The following KCNH7 variants were observed in gnomAD, a reference collection of about 807,000 sequenced individuals.
The protein encoded by KCNH7 is potassium voltage-gated channel subfamily H member 7, also known as voltage-gated inwardly rectifying potassium channel KCNH7.
KCNH7 carries 49 observed loss-of-function variants against 120.8 expected under a neutral mutation model. That is an observed-to-expected ratio of 0.41 (90% CI 0.32 to 0.51). The LOEUF (loss-of-function observed/expected upper bound fraction) is 0.51, where lower values mean the gene tolerates loss of function less well. Among genes scored for constraint, KCNH7 ranks in the 20% least tolerant of loss-of-function variants. KCNH7 has a pLI of 0.38. For synonymous variants in KCNH7, 547 were observed against 516.1 expected, an observed-to-expected ratio of 1.06 and a Z score of -0.81; for missense variants, 1,097 against 1,446.6, an observed-to-expected ratio of 0.76 and a Z score of 3.92.
chr2:162,652,104 A>G (rs889437456), intron 2 of KCNH7, among the ~76,000 whole-genome samples: 1 of 152,202 alleles, frequency 6.6e-6, no homozygotes, highest in Non-Finnish European at 1.5e-5. Flanking sequence ...GTTTCCCACA[A>G]ACTTCATAGT....
intron 2 of KCNH7, among the ~76,000 whole-genome samples, chr2:162,735,546 A>G (rs1687875228): frequency 1.3e-5 from 2 of 152,140 alleles, no homozygotes; most frequent in African/African-American, 4.8e-5. Context: ...GGTATTTTGC[A>G]GATTTAGTAT....
At chr2:162,613,952 A>G (rs992915122) in intron 2 of KCNH7, among the ~76,000 whole-genome samples, 2 of 142,016 alleles carry the variant, frequency 1.4e-5, no homozygotes, top group Non-Finnish European at 3.2e-5. Flanking sequence ...CCAAAGAGAA[A>G]GTTTTTTTTT....
chr2:162,702,114 A>AT (rs2105344960), intron 2 of KCNH7, among the ~76,000 whole-genome samples: 1 of 152,238 alleles, frequency 6.6e-6, no homozygotes, highest in Admixed American at 6.5e-5. Flanking sequence ...GGAGAAAAAA[A>AT]TTTTTTCAAA....
intron 7 of KCNH7, among the ~76,000 whole-genome samples, chr2:162,443,176 A>G (rs1331636529): frequency 2.9e-4 from 44 of 152,314 alleles, no homozygotes; most frequent in Non-Finnish European, 2.9e-5. Flanking sequence ...GTTCTTGTCT[A>G]GAAGCTGATC....
intron 6 of KCNH7, among the ~76,000 whole-genome samples, chr2:162,494,074 A>T (rs960058389): frequency 5.3e-5 from 8 of 152,200 alleles, no homozygotes; most frequent in African/African-American, 1.9e-4. Context: ...CAAGAATCTC[A>T]CTGCAAGGTC....
intron 2 of KCNH7, among the ~76,000 whole-genome samples, chr2:162,669,611 C>T (rs13403392): frequency 0.014 from 2,122 of 152,206 alleles, 43 homozygotes; most frequent in African/African-American, 0.048. Context: ...ATATTTGCAC[C>T]GCTCATTCAG....
chr2:162,376,404 C>T (rs1175303897), intron 14 of KCNH7, among the ~76,000 whole-genome samples: 8 of 148,358 alleles, frequency 5.4e-5, no homozygotes, highest in East Asian at 2.0e-4. Context: ...CTTGCTCTGT[C>T]GCCCAGGCTG....
At chr2:162,558,761 A>G (rs1692949601) in intron 2 of KCNH7, among the ~76,000 whole-genome samples, 1 of 151,760 alleles carries the variant, frequency 6.6e-6, no homozygotes, top group African/African-American at 2.4e-5. Context: ...CTTCTTTGGC[A>G]TTATTACTAT....
chr2:162,803,138 C>T (rs916213558), intron 2 of KCNH7, among the ~76,000 whole-genome samples: 4 of 151,696 alleles, frequency 2.6e-5, no homozygotes, highest in Admixed American at 1.3e-4. Flanking sequence ...CCAGTGAGAT[C>T]GCCAATTTAT....
intron 4 of KCNH7, among the ~76,000 whole-genome samples, chr2:162,514,553 C>G (rs1691217090): frequency 6.6e-6 from 1 of 151,732 alleles, no homozygotes; most frequent in Admixed American, 6.6e-5. Flanking sequence ...TCTTCCATGA[C>G]AATGCAAGTA....
chr2:162,589,816 T>C (rs1694147158), intron 2 of KCNH7, among the ~76,000 whole-genome samples: 1 of 152,126 alleles, frequency 6.6e-6, no homozygotes, highest in South Asian at 2.1e-4. Flanking sequence ...AAGTGACAAG[T>C]AATGATGATT....
At chr2:162,377,208 T>A (rs1686228378) in intron 14 of KCNH7, among the ~76,000 whole-genome samples, 2 of 151,976 alleles carry the variant, frequency 1.3e-5, no homozygotes, top group African/African-American at 4.8e-5. Flanking sequence ...TGAAAGGTTG[T>A]TAAAAACCGC....
At chr2:162,572,307 C>T (rs1693510172) in intron 2 of KCNH7, among the ~76,000 whole-genome samples, 1 of 147,326 alleles carries the variant, frequency 6.8e-6, no homozygotes, top group Non-Finnish European at 1.5e-5. Context: ...TGCTCATCAT[C>T]ACTGGCCATC....
chr2:162,404,563 A>G (rs1272295501), intron 9 of KCNH7, among the ~76,000 whole-genome samples: 1 of 151,764 alleles, frequency 6.6e-6, no homozygotes, highest in Non-Finnish European at 1.5e-5. Flanking sequence ...CTGGTTGTTT[A>G]AAAGTGTGTA....
intron 12 of KCNH7, among the ~76,000 whole-genome samples, chr2:162,388,549 G>C (rs1686647376): frequency 6.6e-6 from 1 of 151,756 alleles, no homozygotes; most frequent in African/African-American, 2.4e-5. Context: ...TACTTTTATA[G>C]ATCACTAAAA....
At chr2:162,509,410 T>C (rs1046297161) in intron 5 of KCNH7, among the ~76,000 whole-genome samples, 7 of 151,568 alleles carry the variant, frequency 4.6e-5, no homozygotes, top group Non-Finnish European at 8.9e-5. Context: ...ATCAGGTATT[T>C]GTACAATATA....
At chr2:162,778,777 T>C (rs895337502) in intron 2 of KCNH7, among the ~76,000 whole-genome samples, 6 of 152,194 alleles carry the variant, frequency 3.9e-5, no homozygotes, top group Non-Finnish European at 8.8e-5. Flanking sequence ...GATATTTTCA[T>C]TTTAAACTAA....
intron 2 of KCNH7, among the ~76,000 whole-genome samples, chr2:162,619,602 T>C (rs747047647): frequency 1.8e-4 from 28 of 151,916 alleles, no homozygotes; most frequent in Admixed American, 2.6e-4. Context: ...CAGAAGAAAA[T>C]TATATCTTTC....
chr2:162,526,659 C>T (rs1261485936), intron 3 of KCNH7, among the ~76,000 whole-genome samples: 1 of 152,004 alleles, frequency 6.6e-6, no homozygotes, highest in Non-Finnish European at 1.5e-5. Context: ...AAGGTTATCT[C>T]TCTTGTTCCC....
Sources: allele counts gnomAD v4.1 joint callset (sites outside exome capture counted in the v4.1 genomes callset), GRCh38; gene constraint gnomAD v4.1.1; transcripts MANE v1.5; gene names NCBI Gene and HGNC (gene_info 2026-07-23, HGNC 2026-07-21).